LAMB4: variants seen among roughly 807,000 people sequenced by gnomAD.
The protein encoded by LAMB4 is laminin subunit beta 4.
LAMB4 carries 196 observed loss-of-function variants against 199.2 expected under a neutral mutation model. The observed-to-expected ratio is 0.98, with a 90% confidence interval of 0.88 to 1.11. LAMB4 has a LOEUF of 1.11. LAMB4 is among the 50% of genes least tolerant of loss of function. The probability of loss-of-function intolerance (pLI) is 0.00; values close to 1 mark genes in which losing one functional copy is unlikely to be tolerated. For synonymous variants in LAMB4, 744 were observed against 770.6 expected (o/e 0.97, Z 0.57); for missense variants, 2,080 against 2,171.2 (o/e 0.96, Z 0.83).
At position 108,115,984 on chromosome 7, in the gene LAMB4, T is replaced by C. The variant is rs367804157; in HGVS notation, c.192+20A>G. 9.4e-6 allele frequency: 15 copies of C among 1,603,116 alleles called. No individual in the cohort carries two copies. The African/African-American group carries it at 2.0e-4, about 22-fold the overall frequency. On this transcript the variant is annotated intron_variant, in intron 3 of 33. Transcript: ENST00000388781. ...ATTGATTAAATAATGTCCCAGCAAATAAACAAAGAGCCAACCCACCTCCAG... is the reference window on the plus strand; with the variant it reads ...ATTGATTAAATAATGTCCCAGCAAACAAACAAAGAGCCAACCCACCTCCAG...
intron 10 of LAMB4, among the ~76,000 whole-genome samples, chr7:108,101,443 A>G (rs2037811700): frequency 6.6e-6 from 1 of 152,188 alleles, no homozygotes; most frequent in Admixed American, 6.5e-5. Context: ...TGTCACTCCC[A>G]TGGGACATGG....
chr7:108,015,567 A>G, the LAMB4 span, among the ~76,000 whole-genome samples: 12 of 152,198 alleles, frequency 7.9e-5, no homozygotes, highest in Non-Finnish European at 1.3e-4. Context: ...TATCATATAC[A>G]ACTAGTGTTT....
At chr7:108,013,089 T>C in the LAMB4 span, among the ~76,000 whole-genome samples, 1 of 152,228 alleles carries the variant, frequency 6.6e-6, no homozygotes, top group African/African-American at 2.4e-5. Context: ...CACTAGCACA[T>C]CTCAGAGCAC....
At chr7:108,104,160 GATCTC>G (rs1392267680) in intron 9 of LAMB4, among the ~76,000 whole-genome samples, 42 of 152,332 alleles carry the variant, frequency 2.8e-4, no homozygotes, top group African/African-American at 1.0e-3. Flanking sequence ...TGACAGTGCA[GATCTC>G]TGGACCAAGC....
At chr7:108,082,329 T>TAAA (rs34929844) in intron 14 of LAMB4, among the ~76,000 whole-genome samples, 15 of 104,638 alleles carry the variant, frequency 1.4e-4, no homozygotes, top group East Asian at 1.1e-3. Flanking sequence ...GACTCCGTCT[T>TAAA]AAAAAAAAAA....
intron 1 of LAMB4, among the ~76,000 whole-genome samples, chr7:108,126,983 C>A (rs1033953252): frequency 1.3e-5 from 2 of 152,056 alleles, no homozygotes; most frequent in African/African-American, 2.4e-5. Context: ...GGGTGGGACC[C>A]AGGTGTCAAT....
chr7:108,064,875 T>C (rs980012664), intron 21 of LAMB4, among the ~76,000 whole-genome samples: 4 of 151,526 alleles, frequency 2.6e-5, no homozygotes, highest in African/African-American at 9.8e-5. Context: ...TTCACACTCA[T>C]GTTTCATGTG....
At chr7:108,028,969 T>C (rs1421918545) in intron 33 of LAMB4, 74 bp downstream of exon 33, 1 of 1,361,402 alleles carries the variant, frequency 7.3e-7, no homozygotes, top group African/African-American at 1.5e-5. Context: ...CTGACATTGG[T>C]ATAAATTCTA....
rs1018597324 is a variant in LAMB4, at chr7:108,068,246, C to G, written c.2303-87G>C. The G allele has an allele frequency of 2.2e-4, 295 of 1,361,130 alleles. 1 individual carries two copies. The highest frequency in any genetic ancestry group is 1.3e-5 in the South Asian group (1 of 79,272). The allele number at this position is 1,361,130 out of a possible 1,614,324, so 84.3% of individuals were successfully genotyped here. ...GTTAGTAGCTATAGTTCACCTCTCT[C>G]TCATTTAAGACCTCTTTAATACTCA... On this transcript the variant is annotated intron_variant, in intron 18 of 33. Coordinates refer to ENST00000388781, the MANE Select transcript of LAMB4 (RefSeq NM_007356.3).
At chr7:108,082,157 C>T (rs913660018) in intron 14 of LAMB4, among the ~76,000 whole-genome samples, 2 of 151,850 alleles carry the variant, frequency 1.3e-5, no homozygotes, top group South Asian at 4.2e-4. Flanking sequence ...GGTGAAACCC[C>T]GTCTCTACTA....
At chr7:108,128,385 T>C (rs2150712142) in intron 1 of LAMB4, among the ~76,000 whole-genome samples, 1 of 152,242 alleles carries the variant, frequency 6.6e-6, no homozygotes, top group East Asian at 1.9e-4. Context: ...CCAGGGGTGC[T>C]GCTAAGTAAA....
rs765031082 is a variant in LAMB4, at chr7:108,037,494, T to C, written c.4573A>G (p.Ile1525Val). Residue 1525 changes from isoleucine (I) to valine (V), a missense_variant, in exon 30 of 34, where the codon ATA becomes GTA. By Grantham distance (29) the Ile-to-Val change is conservative (BLOSUM62 3). Transcript: ENST00000388781. ...TCACAGAGTTGCATATGTTTCTGTATTTTGACAAGTTCATCGGTTAGATTT... is the reference window on the plus strand; with the variant it reads ...TCACAGAGTTGCATATGTTTCTGTACTTTGACAAGTTCATCGGTTAGATTT... The part of the protein sequence containing the change: ...SQNLTDELVK[I>V]QKHMQLCEDY... 1 of 1,614,162 alleles carries C rather than the reference T, an allele frequency of 6.2e-7. No homozygotes were observed. The highest frequency in any genetic ancestry group is 8.5e-7 in the Non-Finnish European group (1 of 1,179,994).
chr7:108,037,534 T>A lies in LAMB4; in HGVS notation c.4533A>T (p.Leu1511=). The part of the protein sequence containing the change: ...KVANGVLDIH[L]PIPSQNLTDE... Reference sequence around the variant, plus strand: ...CGGTTAGATTTTGGGATGGAATTGGTAGGTGAATGTCAAGCACACCATTCG... The same window carrying A: ...CGGTTAGATTTTGGGATGGAATTGGAAGGTGAATGTCAAGCACACCATTCG... The change falls in exon 30 of 34, where the codon CTA becomes CTT. Residue 1511 remains leucine (L), a synonymous_variant. Coordinates refer to ENST00000388781, the MANE Select transcript of LAMB4 (RefSeq NM_007356.3). 2.5e-6 allele frequency: 4 copies of A among 1,614,146 alleles called. No individual in the cohort carries two copies. Among genetic ancestry groups the A allele is most frequent in the Non-Finnish European group, 3.4e-6 (4 of 1,179,994 alleles).
At chr7:108,026,108 C>T (rs975215585) in intron 33 of LAMB4, among the ~76,000 whole-genome samples, 15 of 152,178 alleles carry the variant, frequency 9.9e-5, no homozygotes, top group Admixed American at 9.8e-4. Context: ...TGGTAACGTT[C>T]CTGCTTCCCT....
At chr7:108,114,679 A>T (rs76910376) in intron 3 of LAMB4, among the ~76,000 whole-genome samples, 3,218 of 152,300 alleles carry the variant, frequency 0.021, 105 homozygotes, top group African/African-American at 0.069. Context: ...CCAGAGACTT[A>T]AGCAGTTGCT....
At chr7:108,108,010 G>A (rs1419471869) in intron 5 of LAMB4, among the ~76,000 whole-genome samples, 191 bp from the exon 6 acceptor site, 2 of 152,082 alleles carry the variant, frequency 1.3e-5, no homozygotes, top group Admixed American at 6.6e-5. Context: ...GCATGATCTC[G>A]GCTCACTGTA....
Position 108,107,616 on chromosome 7 carries a change from G to A in LAMB4, c.591+15C>T. ...TTTAATTTATACAAAATAAATACAAGGAAGGAAATGCTACCTCTCCACCTG... is the reference window on the plus strand; with the variant it reads ...TTTAATTTATACAAAATAAATACAAAGAAGGAAATGCTACCTCTCCACCTG... On this transcript the variant is annotated intron_variant, in intron 6 of 33. Coordinates refer to ENST00000388781, the MANE Select transcript of LAMB4 (RefSeq NM_007356.3). The A allele has an allele frequency of 6.4e-7, 1 of 1,550,578 alleles. No individual in the cohort carries two copies. The highest frequency in any genetic ancestry group is 1.4e-5 in the African/African-American group (1 of 71,802).
intron 33 of LAMB4, among the ~76,000 whole-genome samples, chr7:108,026,325 G>T (rs1263865582): frequency 6.6e-6 from 1 of 152,204 alleles, no homozygotes; most frequent in Admixed American, 6.5e-5. Flanking sequence ...AAAAGCGGAA[G>T]AACTGATGTT....
the LAMB4 span, among the ~76,000 whole-genome samples, chr7:108,018,542 A>G: frequency 5.3e-5 from 8 of 152,142 alleles, no homozygotes; most frequent in African/African-American, 1.9e-4. Flanking sequence ...GATCAAGACC[A>G]TCCTGGCTAA....
Sources: allele counts gnomAD v4.1 joint callset (sites outside exome capture counted in the v4.1 genomes callset), GRCh38; gene constraint gnomAD v4.1.1; transcripts MANE v1.5; gene names NCBI Gene and HGNC (gene_info 2026-07-23, HGNC 2026-07-21).